The following GABRB1 variants were observed in gnomAD, a reference collection of about 807,000 sequenced individuals.
GABRB1 encodes gamma-aminobutyric acid receptor subunit beta-1.
In GABRB1, 17 loss-of-function variants were observed where a neutral mutation model predicts 51.6. That is an observed-to-expected ratio of 0.33 (90% CI 0.23 to 0.49). The LOEUF (loss-of-function observed/expected upper bound fraction) is 0.49. Among genes scored for constraint, GABRB1 ranks in the 20% least tolerant of loss-of-function variants. The probability of loss-of-function intolerance (pLI) is 0.99; values close to 1 mark genes in which losing one functional copy is unlikely to be tolerated. For missense variants in GABRB1, 410 were observed against 600.6 expected, an observed-to-expected ratio of 0.68 and a Z score of 3.32; for synonymous variants, 247 against 218.9, an observed-to-expected ratio of 1.13 and a Z score of -1.14.
At chr4:47,415,936 T>C (rs1728903687) in intron 8 of GABRB1, among the ~76,000 whole-genome samples, 1 of 152,152 alleles carries the variant, frequency 6.6e-6, no homozygotes, top group South Asian at 2.1e-4. Context: ...ACTCAAAGTA[T>C]AAGTTTCAGA....
chr4:47,166,852 T>C (rs3822110), intron 4 of GABRB1, among the ~76,000 whole-genome samples: 22,413 of 152,062 alleles, frequency 0.15, 2,215 homozygotes, highest in East Asian at 0.33. Flanking sequence ...CATCTTACTG[T>C]TGCTTCAAAG....
Position 47,032,551 on chromosome 4 carries a change from CCCTCT to C in GABRB1, c.240+68_240+72del, listed in dbSNP as rs746170253. ...GATGGGAAATGGACAGGTCCCTTTG[CCCTCT>C]GCGTTTCATTGGCGGTCACCTCGCC... On this transcript the variant is annotated intron_variant, in intron 3 of 8. Coordinates refer to ENST00000295454, the MANE Select transcript of GABRB1 (RefSeq NM_000812.4). The C allele has an allele frequency of 2.0e-6, 3 of 1,477,426 alleles. No individual in the cohort carries two copies. In the East Asian group the frequency reaches 6.8e-5, roughly 33 times the overall value. 91.5% of individuals were successfully genotyped at this position (1,477,426 alleles called of 1,614,324 possible). A position where few individuals can be genotyped will look rare whatever the true frequency, so the allele number is the denominator to read the frequency against.
In GABRB1 at chr4:47,166,310, C is replaced by G. The variant is rs559570754; in HGVS notation, c.461+4841C>G. 2.6e-5 allele frequency among the ~76,000 whole-genome samples: 4 copies of G among 152,050 alleles called. No homozygotes were observed. The East Asian group carries it at 7.8e-4, about 30-fold the overall frequency. ...CTGAATGTGCCTGCCTCTCCCGCCTCCCTTTCCACCTCTTCCCTGTCATCC... is the reference window on the plus strand; with the variant it reads ...CTGAATGTGCCTGCCTCTCCCGCCTGCCTTTCCACCTCTTCCCTGTCATCC... On this transcript the variant is annotated intron_variant, in intron 4 of 8. Coordinates refer to ENST00000295454, the MANE Select transcript of GABRB1 (RefSeq NM_000812.4).
chr4:47,376,212 G>A (rs1188311887), intron 5 of GABRB1, among the ~76,000 whole-genome samples: 1 of 152,138 alleles, frequency 6.6e-6, no homozygotes, highest in Non-Finnish European at 1.5e-5. Flanking sequence ...AGAAAGATAA[G>A]GATAGAACCC....
intron 4 of GABRB1, among the ~76,000 whole-genome samples, chr4:47,247,472 AT>A (rs1721810019): frequency 6.6e-6 from 1 of 151,446 alleles, no homozygotes; most frequent in African/African-American, 2.4e-5. Context: ...CAGATTTGTT[AT>A]TTTTGCTTAG....
At chr4:47,190,865 GGAAAACTTAGTCTATGCCAATGACT>G (rs1719415207) in intron 4 of GABRB1, among the ~76,000 whole-genome samples, 1 of 152,152 alleles carries the variant, frequency 6.6e-6, no homozygotes, top group East Asian at 1.9e-4. Flanking sequence ...CTGTGAGCAT[GGAAAACTTAGTCTATGCCAATGACT>G]GTGGCAGATG....
At chr4:47,263,831 T>C (rs2109883067) in intron 4 of GABRB1, among the ~76,000 whole-genome samples, 1 of 152,280 alleles carries the variant, frequency 6.6e-6, no homozygotes, top group East Asian at 1.9e-4. Context: ...TCCTTAGAAC[T>C]GAAGATAAGC....
intron 3 of GABRB1, among the ~76,000 whole-genome samples, chr4:47,078,995 G>T (rs1727700859): frequency 6.6e-6 from 1 of 152,202 alleles, no homozygotes; most frequent in Non-Finnish European, 1.5e-5. Flanking sequence ...TTTTTGATGT[G>T]CTGCTGGATT....
chr4:47,040,062 C>A (rs1211852428), intron 3 of GABRB1, among the ~76,000 whole-genome samples: 1 of 152,138 alleles, frequency 6.6e-6, no homozygotes, highest in Non-Finnish European at 1.5e-5. Context: ...CTTTTATATA[C>A]CCCTTTGAAC....
intron 5 of GABRB1, among the ~76,000 whole-genome samples, chr4:47,357,018 G>A (rs1211474496): frequency 2.0e-5 from 3 of 152,178 alleles, no homozygotes; most frequent in Non-Finnish European, 4.4e-5. Flanking sequence ...AAATGTGCCA[G>A]TGGTCACTTT....
intron 3 of GABRB1, among the ~76,000 whole-genome samples, chr4:47,098,327 T>C (rs1055365012): frequency 5.9e-5 from 9 of 151,978 alleles, no homozygotes; most frequent in Non-Finnish European, 1.0e-4. Flanking sequence ...CTCTGGGGGG[T>C]TATTGATTCA....
At chr4:47,350,844 C>G (rs1726302125) in intron 5 of GABRB1, among the ~76,000 whole-genome samples, 1 of 152,150 alleles carries the variant, frequency 6.6e-6, no homozygotes, top group South Asian at 2.1e-4. Flanking sequence ...AACGTGAACA[C>G]TTAACTTTCA....
intron 5 of GABRB1, among the ~76,000 whole-genome samples, chr4:47,327,331 GAA>G (rs560797545): frequency 2.7e-5 from 2 of 74,148 alleles, no homozygotes; most frequent in African/African-American, 5.0e-5. Context: ...TCGCTTAAAA[GAA>G]AAAAAAAAAA....
At chr4:47,084,349 T>C (rs775638761) in intron 3 of GABRB1, among the ~76,000 whole-genome samples, 30 of 152,336 alleles carry the variant, frequency 2.0e-4, no homozygotes, top group South Asian at 4.1e-4. Context: ...CACCACAGAA[T>C]GGGTTAAGCC....
In GABRB1 at chr4:47,251,982, G is replaced by A. The variant is rs569392970; in HGVS notation, c.462-68145G>A. ...TGTGGAGTCTGCATGCTGGATTCAC[G>A]CCCTCCCTTGAGTTCTGGCTGGGAG... On this transcript the variant is annotated intron_variant, in intron 4 of 8. Coordinates refer to ENST00000295454, the MANE Select transcript of GABRB1 (RefSeq NM_000812.4). Among the ~76,000 whole-genome samples, 467 of 152,144 alleles carry A rather than the reference G, an allele frequency of 3.1e-3. 1 individual carries two copies. The highest frequency in any genetic ancestry group is 5.2e-3 in the Admixed American group (79 of 15,286).
chr4:47,423,256 T>G (rs894057635), intron 8 of GABRB1, among the ~76,000 whole-genome samples: 1 of 152,188 alleles, frequency 6.6e-6, no homozygotes, highest in Non-Finnish European at 1.5e-5. Flanking sequence ...AATCTATATG[T>G]TCAGGTTTTC....
intron 4 of GABRB1, among the ~76,000 whole-genome samples, chr4:47,190,929 G>T (rs755696797): frequency 1.3e-5 from 2 of 152,152 alleles, no homozygotes; most frequent in African/African-American, 4.8e-5. Flanking sequence ...AACTGCTGGA[G>T]CCAGATCTAA....
chr4:47,424,416 C>T (rs1159081494), intron 8 of GABRB1, among the ~76,000 whole-genome samples: 4 of 152,176 alleles, frequency 2.6e-5, no homozygotes, highest in African/African-American at 9.7e-5. Context: ...ATGATGGGAA[C>T]ACAATAAATC....
chr4:47,388,934 A>T (rs1031983334), intron 5 of GABRB1, among the ~76,000 whole-genome samples: 4 of 152,184 alleles, frequency 2.6e-5, no homozygotes, highest in South Asian at 2.1e-4. Context: ...GTCATGGTGG[A>T]TACTCTCCAA....
Sources: allele counts gnomAD v4.1 joint callset (sites outside exome capture counted in the v4.1 genomes callset), GRCh38; gene constraint gnomAD v4.1.1; transcripts MANE v1.5; gene names NCBI Gene and HGNC (gene_info 2026-07-23, HGNC 2026-07-21).